Variants in ASAH1 observed in about 807,000 individuals in gnomAD.
The protein encoded by ASAH1 is N-acylsphingosine amidohydrolase 1, also known as acid ceramidase.
A neutral mutation model predicts 59.5 loss-of-function variants in ASAH1; 70 were observed. The ratio of observed to expected loss-of-function variants is 1.18; its 90% CI spans 0.97 to 1.43. The LOEUF (loss-of-function observed/expected upper bound fraction) is 1.43, where lower values mean the gene tolerates loss of function less well. Among genes scored for constraint, ASAH1 ranks in the 40% most tolerant of loss-of-function variants. ASAH1 has a pLI of 0.00. For synonymous variants in ASAH1, 213 were observed against 166.5 expected (o/e 1.28, Z -2.15); for missense variants, 660 against 482.5 (o/e 1.37, Z -3.45).
intron 9 of ASAH1, 43 bp downstream of exon 9, chr8:18,061,643 A>G: frequency 1.3e-6 from 2 of 1,568,640 alleles, no homozygotes; most frequent in Admixed American, 1.8e-5. Context: ...TCCTCATAAA[A>G]AAGCTCTGAG....
intron 6 of ASAH1, chr8:18,063,466 G>A: frequency 2.4e-6 from 1 of 411,158 alleles, no homozygotes. Flanking sequence ...ACCGCACCTG[G>A]CTACTTTTTT....
intron 1 of ASAH1, among the ~76,000 whole-genome samples, chr8:18,077,218 C>A (rs1442090081): frequency 2.0e-5 from 3 of 152,142 alleles, no homozygotes; most frequent in Admixed American, 2.0e-4. Flanking sequence ...GTTTATATTG[C>A]CGGTTCAATA....
chr8:18,084,473 C>T (rs1356302233), upstream of ASAH1: 3 of 1,304,696 alleles, frequency 2.3e-6, no homozygotes, highest in South Asian at 1.5e-5. Flanking sequence ...CAGGCGTCCT[C>T]GGTACCCACG....
At chr8:18,059,129 T>C in intron 12 of ASAH1, 1 of 743,780 alleles carries the variant, frequency 1.3e-6, no homozygotes, top group Non-Finnish European at 2.2e-6. Context: ...AACTTCAGAG[T>C]GGTATCCAGC....
At chr8:18,070,639 G>T (rs1023152957) in intron 3 of ASAH1, among the ~76,000 whole-genome samples, 19 of 152,142 alleles carry the variant, frequency 1.2e-4, no homozygotes, top group African/African-American at 4.1e-4. Flanking sequence ...AAGTGAATTT[G>T]ATTCTTAATT....
chr8:18,056,695 C>T lies in ASAH1; in HGVS notation c.*839G>A, dbSNP rs377014587. 6.6e-6 allele frequency: 1 copy of T among 152,102 alleles called. No homozygotes were observed. Among genetic ancestry groups the T allele is most frequent in the East Asian group, 1.9e-4 (1 of 5,194 alleles). 9.4% of individuals were successfully genotyped at this position (152,102 alleles called of 1,614,324 possible). A position where few individuals can be genotyped will look rare whatever the true frequency, so the allele number is the denominator to read the frequency against. ...ATCAATCTGAAGAACAAACTAAAAA[C>T]CTGTTTATTACATGAATGCTACTTA... On this transcript the variant is annotated 3_prime_UTR_variant, in exon 14 of 14. Coordinates refer to ENST00000637790, the MANE Select transcript of ASAH1 (RefSeq NM_177924.5).
intron 12 of ASAH1, 98 bp downstream of exon 12, chr8:18,059,243 G>T: frequency 1.3e-6 from 2 of 1,571,564 alleles, no homozygotes; most frequent in Non-Finnish European, 1.7e-6. Flanking sequence ...TGAAAAATAG[G>T]ACGTTTATAA....
At chr8:18,071,125 A>G (rs1800151081) in intron 3 of ASAH1, among the ~76,000 whole-genome samples, 175 bp downstream of exon 3, 1 of 151,882 alleles carries the variant, frequency 6.6e-6, no homozygotes, top group African/African-American at 2.4e-5. Context: ...GGAAATTGCT[A>G]GAACCCAGGA....
At chr8:18,064,399 GA>G in intron 6 of ASAH1, 57 bp downstream of exon 6, 1 of 1,301,398 alleles carries the variant, frequency 7.7e-7, no homozygotes, top group Non-Finnish European at 1.1e-6. Context: ...ATTTCATTTA[GA>G]AGATTTTTCT....
chr8:18,064,124 C>T (rs1340427887), intron 6 of ASAH1: 8 of 483,794 alleles, frequency 1.7e-5, no homozygotes, highest in South Asian at 6.5e-5. Context: ...ATGACATACA[C>T]GAAGATAAGG....
chr8:18,061,478 T>G lies in ASAH1; in HGVS notation c.704-20A>C. On this transcript the variant is annotated intron_variant, in intron 9 of 13. Transcript: ENST00000637790. The stretch of plus-strand genomic sequence containing the variant: ...GAATACCTGGAAGAGATGAACACAA[T>G]GTCAGGAACCGGAAGAGGTGACACT... 6.3e-7 allele frequency: 1 copy of G among 1,593,702 alleles called. No individual in the cohort carries two copies. The highest frequency in any genetic ancestry group is 8.6e-7 in the Non-Finnish European group (1 of 1,161,216).
chr8:18,073,710 T>C (rs1408242711), intron 2 of ASAH1, among the ~76,000 whole-genome samples: 4 of 152,192 alleles, frequency 2.6e-5, no homozygotes, highest in Non-Finnish European at 4.4e-5. Context: ...ACGCACTTAA[T>C]TGAAAAGGAT....
chr8:18,064,215 C>A, intron 6 of ASAH1: 2 of 582,856 alleles, frequency 3.4e-6, no homozygotes, highest in African/African-American at 1.9e-5. Context: ...TGTTTCTAGC[C>A]CTGCAACATT....
intron 5 of ASAH1, chr8:18,065,278 G>A (rs980262548): frequency 1.3e-5 from 2 of 151,600 alleles, no homozygotes. Flanking sequence ...TTTCTATTTG[G>A]TATTGAGTTG....
chr8:18,077,550 C>T (rs1344456868), intron 1 of ASAH1, among the ~76,000 whole-genome samples: 1 of 152,170 alleles, frequency 6.6e-6, no homozygotes, highest in African/African-American at 2.4e-5. Flanking sequence ...AACAACTGAT[C>T]AGTTATCGGT....
intron 10 of ASAH1, chr8:18,060,498 C>T (rs1799645778): frequency 6.6e-6 from 1 of 152,268 alleles, no homozygotes; most frequent in African/African-American, 2.4e-5. Context: ...AATAATATTA[C>T]AGTATGTAGG....
chr8:18,075,594 A>G lies in ASAH1; in HGVS notation c.79-7T>C, dbSNP rs1243111438. On this transcript the variant is annotated splice_region_variant and splice_polypyrimidine_tract_variant and intron_variant, in intron 1 of 13. Coordinates refer to ENST00000637790, the MANE Select transcript of ASAH1 (RefSeq NM_177924.5). ...TTCTGCAGTCCTCTGTCCACTGAAA[A>G]GCAAAGAAAATTAAGTTTCAGAAAA... 6.2e-7 allele frequency: 1 copy of G among 1,614,078 alleles called. No homozygotes were observed. Among genetic ancestry groups the G allele is most frequent in the African/African-American group, 1.3e-5 (1 of 75,064 alleles).
In ASAH1 at chr8:18,080,649, C is replaced by T. The variant is rs543291349; in HGVS notation, c.78+3332G>A. 1.2e-3 allele frequency among the ~76,000 whole-genome samples: 187 copies of T among 152,310 alleles called. 1 individual carries two copies. The highest frequency in any genetic ancestry group is 4.3e-3 in the African/African-American group (179 of 41,564). On this transcript the variant is annotated intron_variant, in intron 1 of 13. Transcript: ENST00000637790. ...CTTGGCTCACTGCAACCTCTCCCTCCCAGGTTCAAGCAATTCTCCCGCCTC... is the reference window on the plus strand; with the variant it reads ...CTTGGCTCACTGCAACCTCTCCCTCTCAGGTTCAAGCAATTCTCCCGCCTC...
At chr8:18,075,461 T>G (rs768680002) in intron 2 of ASAH1, 80 bp downstream of exon 2, 19 of 1,383,172 alleles carry the variant, frequency 1.4e-5, no homozygotes, top group Non-Finnish European at 3.1e-6. Context: ...TTCACTATCG[T>G]TCGTTTATGA....
Sources: allele counts gnomAD v4.1 joint callset (sites outside exome capture counted in the v4.1 genomes callset), GRCh38; gene constraint gnomAD v4.1.1; transcripts MANE v1.5; gene names NCBI Gene and HGNC (gene_info 2026-07-23, HGNC 2026-07-21).